The following KIAA1958 variants were observed in gnomAD, a reference collection of about 807,000 sequenced individuals.
KIAA1958 encodes the protein uncharacterized protein KIAA1958.
KIAA1958 carries 14 observed loss-of-function variants against 47.2 expected under a neutral mutation model. The ratio of observed to expected loss-of-function variants is 0.30; its 90% CI spans 0.20 to 0.46. The LOEUF (loss-of-function observed/expected upper bound fraction) is 0.46. Among genes scored for constraint, KIAA1958 ranks in the 20% least tolerant of loss-of-function variants. The pLI, the probability that KIAA1958 is intolerant of heterozygous loss-of-function variation, is 1.00. For missense variants in KIAA1958, 803 were observed against 909.2 expected (o/e 0.88, Z 1.50); for synonymous variants, 354 against 353.3 (o/e 1.00, Z -0.02).
At chr9:112,530,665 C>G (rs1834737167) in intron 1 of KIAA1958, among the ~76,000 whole-genome samples, 1 of 152,096 alleles carries the variant, frequency 6.6e-6, no homozygotes, top group African/African-American at 2.4e-5. Flanking sequence ...TAAAATATAA[C>G]TTTTACTTCG....
chr9:112,493,200 A>G (rs1376395449), intron 1 of KIAA1958, among the ~76,000 whole-genome samples: 4 of 150,420 alleles, frequency 2.7e-5, no homozygotes, highest in Non-Finnish European at 5.9e-5. Context: ...TGCTGCTCTC[A>G]TGGTAAGTTA....
intron 2 of KIAA1958, among the ~76,000 whole-genome samples, chr9:112,597,609 CTCT>C (rs1836054269): frequency 6.6e-6 from 1 of 152,176 alleles, no homozygotes; most frequent in Non-Finnish European, 1.5e-5. Context: ...TCTCCTCCTG[CTCT>C]TCTTTTTCTT....
chr9:112,505,359 A>G (rs959311550), intron 1 of KIAA1958, among the ~76,000 whole-genome samples: 11 of 152,186 alleles, frequency 7.2e-5, no homozygotes, highest in Non-Finnish European at 1.2e-4. Context: ...GCGTTTATAA[A>G]ATGAGTATAA....
intron 2 of KIAA1958, among the ~76,000 whole-genome samples, chr9:112,615,436 AGAG>A (rs1337035969): frequency 2.6e-5 from 4 of 151,456 alleles, no homozygotes; most frequent in Non-Finnish European, 5.9e-5. Context: ...AAAAAAAAAA[AGAG>A]GAGCAACTCT....
At chr9:112,562,511 T>A (rs1835351450) in intron 1 of KIAA1958, among the ~76,000 whole-genome samples, 1 of 152,192 alleles carries the variant, frequency 6.6e-6, no homozygotes, top group Admixed American at 6.5e-5. Flanking sequence ...TTTATGCATA[T>A]CAGTTTGGGT....
chr9:112,564,492 ACTCACT>A (rs1173845103), intron 1 of KIAA1958, among the ~76,000 whole-genome samples: 2 of 152,046 alleles, frequency 1.3e-5, no homozygotes, highest in African/African-American at 2.4e-5. Context: ...CTAACTAGGG[ACTCACT>A]GTTATTTCGT....
chr9:112,621,842 A>G (rs1025215330), intron 2 of KIAA1958, among the ~76,000 whole-genome samples: 1 of 152,048 alleles, frequency 6.6e-6, no homozygotes, highest in African/African-American at 2.4e-5. Flanking sequence ...CTCAAACTCC[A>G]GGGCTCAAGA....
chr9:112,575,370 AAGAT>A (rs1224763924), intron 2 of KIAA1958, 119 bp downstream of exon 2: 3 of 656,474 alleles, frequency 4.6e-6, no homozygotes, highest in African/African-American at 3.6e-5. Context: ...TAGTCATAGA[AAGAT>A]AGAAACAATG....
At chr9:112,655,522 A>T (rs902668973) in intron 3 of KIAA1958, among the ~76,000 whole-genome samples, 2 of 152,256 alleles carry the variant, frequency 1.3e-5, no homozygotes, top group Non-Finnish European at 2.9e-5. Flanking sequence ...TTGATAATAC[A>T]GGCATAACCA....
At chr9:112,570,700 G>A (rs1835517168) in intron 1 of KIAA1958, among the ~76,000 whole-genome samples, 1 of 152,202 alleles carries the variant, frequency 6.6e-6, no homozygotes, top group Non-Finnish European at 1.5e-5. Context: ...TATTAGTCAA[G>A]ATTCTCCAGA....
chr9:112,649,074 T>C (rs925303025), intron 3 of KIAA1958, among the ~76,000 whole-genome samples: 2 of 152,226 alleles, frequency 1.3e-5, no homozygotes, highest in Admixed American at 1.3e-4. Context: ...TAAATGCTTA[T>C]GCATATTTTA....
In KIAA1958 at chr9:112,574,840, C is replaced by A. The variant is rs371599806; in HGVS notation, c.760C>A (p.Pro254Thr). ...PSCVGSAKLIPHVTSAISTEL... is the reference protein window; with the variant it reads ...PSCVGSAKLITHVTSAISTEL... ...CTGTGTAGGGTCTGCTAAACTGATTCCCCATGTCACATCTGCCATCAGCAC... is the reference window on the plus strand; with the variant it reads ...CTGTGTAGGGTCTGCTAAACTGATTACCCATGTCACATCTGCCATCAGCAC... The change falls in exon 2 of 4, where the codon CCC (proline) becomes ACC (threonine). Residue 254 changes from proline (P) to threonine (T), a missense_variant. Transcript: ENST00000337530. 5 of 1,614,152 alleles carry A rather than the reference C, an allele frequency of 3.1e-6. No individual in the cohort carries two copies. The South Asian group carries it at 5.5e-5, about 18-fold the overall frequency.
intron 2 of KIAA1958, among the ~76,000 whole-genome samples, chr9:112,622,780 T>A (rs993909936): frequency 6.6e-6 from 1 of 152,172 alleles, no homozygotes; most frequent in African/African-American, 2.4e-5. Context: ...CTTGACTAAA[T>A]CATATGGCTT....
intron 2 of KIAA1958, among the ~76,000 whole-genome samples, chr9:112,588,173 T>G (rs1010232069): frequency 2.6e-5 from 4 of 152,222 alleles, no homozygotes; most frequent in Non-Finnish European, 5.9e-5. Flanking sequence ...CCTTTTCTGC[T>G]TTATCCATAG....
intron 2 of KIAA1958, among the ~76,000 whole-genome samples, chr9:112,597,341 T>TA (rs1836049408): frequency 6.6e-6 from 1 of 152,196 alleles, no homozygotes; most frequent in African/African-American, 2.4e-5. Context: ...GGACTATAAT[T>TA]AACTCCATTT....
intron 3 of KIAA1958, among the ~76,000 whole-genome samples, chr9:112,647,449 G>T (rs772163911): frequency 6.6e-6 from 1 of 150,748 alleles, no homozygotes; most frequent in Non-Finnish European, 1.5e-5. Context: ...ATATGTGCTC[G>T]TTAAAAAAAA....
chr9:112,603,703 A>G (rs970380824), intron 2 of KIAA1958, among the ~76,000 whole-genome samples: 4 of 152,188 alleles, frequency 2.6e-5, no homozygotes, highest in Non-Finnish European at 4.4e-5. Flanking sequence ...CTATGATGTA[A>G]TGTTCATAAC....
Position 112,665,638 on chromosome 9 carries a change from C to T in KIAA1958, c.*5569C>T, listed in dbSNP as rs1430226470. 1.3e-5 allele frequency: 2 copies of T among 152,188 alleles called. No individual in the cohort carries two copies. The highest frequency in any genetic ancestry group is 1.3e-4 in the Admixed American group (2 of 15,278). The allele number at this position is 152,188 out of a possible 1,614,324, so 9.4% of individuals were successfully genotyped here. ...TCTCTCAAGCCATACTGTGTCACCC[C>T]TCCATGTATTCTCTTACTAAATGAT... On this transcript the variant is annotated 3_prime_UTR_variant, in exon 4 of 4. Coordinates refer to ENST00000337530, the MANE Select transcript of KIAA1958 (RefSeq NM_133465.4).
intron 1 of KIAA1958, among the ~76,000 whole-genome samples, chr9:112,572,188 C>T (rs1423119026): frequency 1.3e-5 from 2 of 152,100 alleles, no homozygotes; most frequent in African/African-American, 4.8e-5. Flanking sequence ...TTGGGTTACA[C>T]TATCCGGGAG....
Sources: allele counts gnomAD v4.1 joint callset (sites outside exome capture counted in the v4.1 genomes callset), GRCh38; gene constraint gnomAD v4.1.1; transcripts MANE v1.5; gene names NCBI Gene and HGNC (gene_info 2026-07-23, HGNC 2026-07-21).